The following SLC24A2 variants were observed in gnomAD, a reference collection of about 807,000 sequenced individuals.
The protein encoded by SLC24A2 is sodium/potassium/calcium exchanger 2.
Under a neutral mutation model 62.0 loss-of-function variants are expected in SLC24A2, and 36 were observed. That is an observed-to-expected ratio of 0.58 (90% CI 0.44 to 0.77). The LOEUF (loss-of-function observed/expected upper bound fraction) is 0.77. SLC24A2 is among the 30% of genes least tolerant of loss of function. The pLI is 0.00. For missense variants in SLC24A2, 846 were observed against 817.9 expected (o/e 1.03, Z -0.42); for synonymous variants, 358 against 294.0 (o/e 1.22, Z -2.23).
the SLC24A2 span, among the ~76,000 whole-genome samples, chr9:20,305,991 AC>A: frequency 6.6e-6 from 1 of 152,078 alleles, no homozygotes; most frequent in Non-Finnish European, 1.5e-5. Context: ...TTTTAAGGAT[AC>A]CTGTCATTCT....
At chr9:20,038,931 A>T in the SLC24A2 span, among the ~76,000 whole-genome samples, 4 of 152,232 alleles carry the variant, frequency 2.6e-5, no homozygotes, top group Non-Finnish European at 5.9e-5. Context: ...AAATTTTTTT[A>T]AAAGCAGGCT....
At chr9:19,877,999 G>C in the SLC24A2 span, among the ~76,000 whole-genome samples, 1 of 152,072 alleles carries the variant, frequency 6.6e-6, no homozygotes, top group African/African-American at 2.4e-5. Context: ...CACCAGAAAG[G>C]GAAGATATTT....
the SLC24A2 span, among the ~76,000 whole-genome samples, chr9:20,094,002 T>C: frequency 1.3e-5 from 2 of 152,284 alleles, no homozygotes; most frequent in Middle Eastern, 6.8e-3. Flanking sequence ...AATAGTGTGG[T>C]CCCTGAGAGT....
At chr9:20,158,238 G>A in the SLC24A2 span, among the ~76,000 whole-genome samples, 1 of 151,694 alleles carries the variant, frequency 6.6e-6, no homozygotes, top group African/African-American at 2.4e-5. Flanking sequence ...AGTTGCACAA[G>A]GAAGAATAGA....
At chr9:20,046,978 C>T in the SLC24A2 span, among the ~76,000 whole-genome samples, 1 of 152,058 alleles carries the variant, frequency 6.6e-6, no homozygotes, top group East Asian at 1.9e-4. Context: ...CCAGGAAGAC[C>T]ACTTAGGGAT....
the SLC24A2 span, among the ~76,000 whole-genome samples, chr9:20,127,757 T>C: frequency 6.6e-6 from 1 of 152,124 alleles, no homozygotes; most frequent in Non-Finnish European, 1.5e-5. Flanking sequence ...GTGCTAACCA[T>C]AGTGCTCTGG....
At chr9:20,228,630 G>T in the SLC24A2 span, among the ~76,000 whole-genome samples, 1 of 152,084 alleles carries the variant, frequency 6.6e-6, no homozygotes, top group Admixed American at 6.6e-5. Flanking sequence ...AGAGAAGAAG[G>T]GTGAACGCCC....
chr9:20,229,654 C>T, the SLC24A2 span, among the ~76,000 whole-genome samples: 5 of 151,996 alleles, frequency 3.3e-5, no homozygotes, highest in Non-Finnish European at 5.9e-5. Context: ...TCTCATTATA[C>T]TATTACTTTT....
chr9:19,557,375 G>A (rs900424561), intron 7 of SLC24A2, among the ~76,000 whole-genome samples: 1 of 152,192 alleles, frequency 6.6e-6, no homozygotes, highest in African/African-American at 2.4e-5. Context: ...GCCTGGGGGT[G>A]TTTTACAAAG....
chr9:20,176,000 G>C, the SLC24A2 span, among the ~76,000 whole-genome samples: 605 of 152,116 alleles, frequency 4.0e-3, 3 homozygotes, highest in African/African-American at 0.014. Context: ...GGATTTGGAA[G>C]GGCAAAAAGA....
the SLC24A2 span, among the ~76,000 whole-genome samples, chr9:20,049,688 T>G: frequency 1.1e-5 from 1 of 88,578 alleles, no homozygotes; most frequent in African/African-American, 4.7e-5. Context: ...ATCTTAAGTA[T>G]GATAAAATAT....
At chr9:19,969,950 G>C in the SLC24A2 span, among the ~76,000 whole-genome samples, 2 of 152,096 alleles carry the variant, frequency 1.3e-5, no homozygotes, top group Non-Finnish European at 2.9e-5. Flanking sequence ...CATAAATATG[G>C]GGAAGAGTGG....
the SLC24A2 span, among the ~76,000 whole-genome samples, chr9:19,889,718 CTTACTGTCAGTT>C: frequency 6.6e-6 from 1 of 152,196 alleles, no homozygotes. Flanking sequence ...TGGCATCTGT[CTTACTGTCAGTT>C]TTACCATGGT....
chr9:19,923,011 A>G, the SLC24A2 span, among the ~76,000 whole-genome samples: 3 of 149,902 alleles, frequency 2.0e-5, no homozygotes, highest in African/African-American at 7.3e-5. Context: ...TTATATATAT[A>G]AAACATTTAA....
chr9:19,708,994 G>T (rs375967062), intron 2 of SLC24A2, among the ~76,000 whole-genome samples: 6 of 152,056 alleles, frequency 3.9e-5, no homozygotes, highest in East Asian at 3.9e-4. Flanking sequence ...GAAAATTTTC[G>T]CAACCTACTC....
intron 2 of SLC24A2, among the ~76,000 whole-genome samples, chr9:19,769,629 C>T (rs1822624360): frequency 6.6e-6 from 1 of 152,218 alleles, no homozygotes; most frequent in South Asian, 2.1e-4. Flanking sequence ...CCGATGCTTA[C>T]TGCCACTGAC....
At chr9:19,645,375 T>G (rs995868385) in intron 2 of SLC24A2, among the ~76,000 whole-genome samples, 1 of 152,210 alleles carries the variant, frequency 6.6e-6, no homozygotes, top group Non-Finnish European at 1.5e-5. Flanking sequence ...GTATGCTGCA[T>G]AGTTACAACT....
the SLC24A2 span, among the ~76,000 whole-genome samples, chr9:20,180,044 T>G: frequency 6.6e-6 from 1 of 152,144 alleles, no homozygotes; most frequent in Non-Finnish European, 1.5e-5. Flanking sequence ...CAGTAAAGAT[T>G]TTGGCCATTG....
At chr9:19,743,008 A>AT (rs147779646) in intron 2 of SLC24A2, among the ~76,000 whole-genome samples, 1,855 of 152,250 alleles carry the variant, frequency 0.012, 29 homozygotes, top group East Asian at 0.059. Flanking sequence ...GAGGATCCTT[A>AT]TGTTACTGTT....
Sources: gnomAD v4.1 joint callset for allele counts (sites outside exome capture counted in the v4.1 genomes callset) on GRCh38, gnomAD v4.1.1 for gene constraint, MANE v1.5 for transcripts, NCBI Gene and HGNC (gene_info 2026-07-23, HGNC 2026-07-21) for gene names.